Variants in BTD observed in about 807,000 individuals in gnomAD.
The protein encoded by BTD is biocytinase.
Under a neutral mutation model 17.7 loss-of-function variants are expected in BTD, and 13 were observed. That is an observed-to-expected ratio of 0.74 (90% confidence interval 0.48 to 1.17). The LOEUF (loss-of-function observed/expected upper bound fraction) is 1.17. Among genes scored for constraint, BTD ranks in the 50% most tolerant of loss-of-function variants. The probability of loss-of-function intolerance (pLI) is 0.00; values close to 1 mark genes in which losing one functional copy is unlikely to be tolerated. For missense variants in BTD, 674 were observed against 650.4 expected (o/e 1.04, Z -0.39); for synonymous variants, 240 against 245.2 (o/e 0.98, Z 0.20).
At chr3:15,670,758 T>TA (rs1477681464) in intron 3 of BTD, among the ~76,000 whole-genome samples, 5 of 152,282 alleles carry the variant, frequency 3.3e-5, no homozygotes, top group Admixed American at 2.6e-4. Context: ...AAGGGGATGT[T>TA]AGACTAGACA....
intron 3 of BTD, chr3:15,686,563 T>C: frequency 2.1e-6 from 1 of 480,880 alleles, no homozygotes; most frequent in Non-Finnish European, 3.7e-6. Context: ...CATCTGCCTC[T>C]AAAAGAATGC....
chr3:15,654,219 G>C (rs1043230266), downstream of BTD, among the ~76,000 whole-genome samples: 3 of 152,222 alleles, frequency 2.0e-5, no homozygotes, highest in African/African-American at 7.2e-5. Flanking sequence ...TTGGGCACTG[G>C]GGCAAGTGAA....
chr3:15,686,072 T>A, intron 3 of BTD: 1 of 1,613,736 alleles, frequency 6.2e-7, no homozygotes, highest in Non-Finnish European at 8.5e-7. Context: ...CAGCAATGAG[T>A]AAACACAGTC....
At chr3:15,661,710 T>C (rs774909681) in intron 3 of BTD, among the ~76,000 whole-genome samples, 1 of 152,202 alleles carries the variant, frequency 6.6e-6, no homozygotes, top group Non-Finnish European at 1.5e-5. Flanking sequence ...TAAAAAGTCA[T>C]TGTGAAACCC....
chr3:15,610,008 C>T (rs1383265811), intron 1 of BTD, among the ~76,000 whole-genome samples: 1 of 151,526 alleles, frequency 6.6e-6, no homozygotes, highest in African/African-American at 2.4e-5. Context: ...TAAGTCACTA[C>T]CTGGAATTGA....
At chr3:15,643,486 G>T (rs2065592700) in intron 3 of BTD, among the ~76,000 whole-genome samples, 2 of 151,818 alleles carry the variant, frequency 1.3e-5, no homozygotes, top group Admixed American at 1.3e-4. Context: ...GGGCGACAGA[G>T]CCAGACCCTG....
intron 1 of BTD, among the ~76,000 whole-genome samples, chr3:15,627,398 A>AT (rs930305675): frequency 6.6e-6 from 1 of 152,136 alleles, no homozygotes; most frequent in East Asian, 1.9e-4. Flanking sequence ...AATTAAAAAA[A>AT]TTTTTTTTTG....
chr3:15,721,506 G>C (rs1038264259), intron 4 of BTD, among the ~76,000 whole-genome samples: 1 of 152,100 alleles, frequency 6.6e-6, no homozygotes, highest in Admixed American at 6.6e-5. Flanking sequence ...TGAAGATTCT[G>C]AGGTATATTC....
chr3:15,675,309 A>G (rs1024086685), intron 3 of BTD, among the ~76,000 whole-genome samples: 1 of 152,172 alleles, frequency 6.6e-6, no homozygotes, highest in African/African-American at 2.4e-5. Flanking sequence ...AGAATGGAAG[A>G]ATGAGAGGAA....
chr3:15,681,916 C>T (rs1049315056), intron 3 of BTD, among the ~76,000 whole-genome samples: 2 of 152,102 alleles, frequency 1.3e-5, no homozygotes, highest in Non-Finnish European at 1.5e-5. Flanking sequence ...TGGCCCAAAA[C>T]GTCATAGTGC....
At chr3:15,663,241 G>C (rs541933517) in intron 3 of BTD, among the ~76,000 whole-genome samples, 4 of 152,172 alleles carry the variant, frequency 2.6e-5, no homozygotes. Context: ...TGATCCGCCC[G>C]CCTCGGCTTC....
chr3:15,666,192 A>C (rs1223217776), intron 3 of BTD, among the ~76,000 whole-genome samples: 1 of 152,214 alleles, frequency 6.6e-6, no homozygotes, highest in Non-Finnish European at 1.5e-5. Flanking sequence ...TTCTCCTAAA[A>C]ATAATCTAGG....
chr3:15,625,342 A>C (rs1219325061), intron 1 of BTD, among the ~76,000 whole-genome samples: 1 of 152,130 alleles, frequency 6.6e-6, no homozygotes, highest in African/African-American at 2.4e-5. Flanking sequence ...AATAGGTAAA[A>C]ATAGTTTCTC....
In BTD at chr3:15,622,638, G is replaced by A. The variant is rs545744233; in HGVS notation, c.-16-12786G>A. On this transcript the variant is annotated intron_variant, in intron 1 of 3. Coordinates refer to ENST00000643237, the MANE Select transcript of BTD (RefSeq NM_001370658.1). ...TGCATTCTGGATTTTATCCATTACTGATAGAGGGGTGTTGAAGTTTACAGT... is the reference window on the plus strand; with the variant it reads ...TGCATTCTGGATTTTATCCATTACTAATAGAGGGGTGTTGAAGTTTACAGT... Among the ~76,000 whole-genome samples the A allele has an allele frequency of 2.0e-5, 3 of 152,342 alleles. No homozygotes were observed. In the South Asian group the frequency reaches 6.2e-4, roughly 32 times the overall value.
At chr3:15,665,173 A>G (rs1051221803) in intron 3 of BTD, among the ~76,000 whole-genome samples, 3 of 152,228 alleles carry the variant, frequency 2.0e-5, no homozygotes, top group South Asian at 2.1e-4. Flanking sequence ...AGAGGAATGA[A>G]GCAGAGAAAT....
chr3:15,709,816 A>C, intron 3 of BTD: 9 of 863,460 alleles, frequency 1.0e-5, no homozygotes, highest in Non-Finnish European at 1.6e-5. Flanking sequence ...GAAGCATGAA[A>C]GCATGTTTTT....
chr3:15,628,401 C>T (rs959675935), intron 1 of BTD, among the ~76,000 whole-genome samples: 1 of 152,216 alleles, frequency 6.6e-6, no homozygotes, highest in South Asian at 2.1e-4. Context: ...CACATCTTCC[C>T]TGAAAATTTT....
chr3:15,606,106 C>T (rs1411101871), intron 1 of BTD, among the ~76,000 whole-genome samples: 1 of 146,716 alleles, frequency 6.8e-6, no homozygotes, highest in East Asian at 2.0e-4. Context: ...GTCCTTGACA[C>T]AATGCCTCCT....
intron 1 of BTD, among the ~76,000 whole-genome samples, chr3:15,626,411 A>G (rs1163455631): frequency 1.3e-5 from 2 of 151,776 alleles, no homozygotes; most frequent in South Asian, 2.1e-4. Flanking sequence ...AGACGCTGAA[A>G]CCTCCATTAC....
Sources: allele counts gnomAD v4.1 joint callset (sites outside exome capture counted in the v4.1 genomes callset), GRCh38; gene constraint gnomAD v4.1.1; transcripts MANE v1.5; gene names NCBI Gene and HGNC (gene_info 2026-07-23, HGNC 2026-07-21).